IL1RAPL2: variants seen among roughly 807,000 people sequenced by gnomAD.
The protein encoded by IL1RAPL2 is interleukin 1 receptor accessory protein like 2.
In IL1RAPL2, 3 loss-of-function variants were observed where a neutral mutation model predicts 44.1. That is an observed-to-expected ratio of 0.07 (90% CI 0.03 to 0.18). The LOEUF (loss-of-function observed/expected upper bound fraction) is 0.18. IL1RAPL2 is among the 10% of genes least tolerant of loss of function. IL1RAPL2 has a pLI of 1.00. For synonymous variants in IL1RAPL2, 181 were observed against 178.8 expected (o/e 1.01, Z -0.10); for missense variants, 391 against 496.4 (o/e 0.79, Z 2.02).
chrX:104,598,648 TTCTC>T (rs1322398615), intron 1 of IL1RAPL2, among the ~76,000 whole-genome samples: 1 of 112,569 alleles, frequency 8.9e-6, no homozygotes, highest in Non-Finnish European at 1.9e-5. Flanking sequence ...CTTAGACTTG[TTCTC>T]TCTAACAGCC....
intron 2 of IL1RAPL2, among the ~76,000 whole-genome samples, chrX:104,773,962 G>A (rs749379926): frequency 1.2e-4 from 13 of 112,141 alleles, no homozygotes; most frequent in East Asian, 2.8e-4. Flanking sequence ...ATAACTACCC[G>A]TAGTGCCAAA....
chrX:105,367,964 A>G (rs757346350), intron 5 of IL1RAPL2, among the ~76,000 whole-genome samples: 2 of 110,596 alleles, frequency 1.8e-5, no homozygotes, highest in Non-Finnish European at 3.8e-5. Context: ...ATTGTCTGAG[A>G]AAGTTTTTTT....
intron 2 of IL1RAPL2, among the ~76,000 whole-genome samples, chrX:105,147,940 G>A (rs1434110699): frequency 9.0e-6 from 1 of 110,998 alleles, no homozygotes; most frequent in Non-Finnish European, 1.9e-5. Flanking sequence ...TTCTCTAATG[G>A]GGGTGGAGGG....
At chrX:104,733,361 G>A (rs1178459752) in intron 2 of IL1RAPL2, among the ~76,000 whole-genome samples, 1 of 111,000 alleles carries the variant, frequency 9.0e-6, no homozygotes, top group African/African-American at 3.3e-5. Flanking sequence ...CGAGGCCGAG[G>A]TGGGCGGATT....
At chrX:105,381,871 G>A (rs1449458156) in intron 5 of IL1RAPL2, among the ~76,000 whole-genome samples, 1 of 111,886 alleles carries the variant, frequency 8.9e-6, no homozygotes, top group East Asian at 2.8e-4. Flanking sequence ...AATGGGGAAA[G>A]GATTCCCTAT....
intron 6 of IL1RAPL2, among the ~76,000 whole-genome samples, chrX:105,682,031 C>G (rs1400483836): frequency 9.0e-6 from 1 of 111,497 alleles, no homozygotes; most frequent in Non-Finnish European, 1.9e-5. Flanking sequence ...AGTGAAAGGT[C>G]TAATGAGCAT....
chrX:104,890,610 C>G (rs1444659920), intron 2 of IL1RAPL2, among the ~76,000 whole-genome samples: 1 of 112,247 alleles, frequency 8.9e-6, no homozygotes, highest in Non-Finnish European at 1.9e-5. Flanking sequence ...TGAGAAATAT[C>G]TGTTCATATG....
At chrX:105,529,370 C>A (rs761024427) in intron 6 of IL1RAPL2, among the ~76,000 whole-genome samples, 26 of 111,159 alleles carry the variant, frequency 2.3e-4, no homozygotes, top group African/African-American at 6.8e-4. Flanking sequence ...TACTCTGTTC[C>A]TCAAAATATT....
intron 6 of IL1RAPL2, among the ~76,000 whole-genome samples, chrX:105,597,061 A>G (rs926429418): frequency 3.6e-5 from 4 of 111,983 alleles, no homozygotes; most frequent in African/African-American, 1.3e-4. Context: ...AGATTTGTGA[A>G]TTATATATCT....
chrX:105,747,296 G>T (rs1320938332), intron 8 of IL1RAPL2, among the ~76,000 whole-genome samples: 5 of 108,812 alleles, frequency 4.6e-5, no homozygotes, highest in Admixed American at 3.0e-4. Context: ...CATTGTGTGT[G>T]CCCTCACAAT....
chrX:104,666,621 T>G (rs1433997340), intron 2 of IL1RAPL2, among the ~76,000 whole-genome samples: 1 of 112,330 alleles, frequency 8.9e-6, no homozygotes, highest in Non-Finnish European at 1.9e-5. Flanking sequence ...AAAGATATTT[T>G]ATCTGCCAGA....
chrX:104,881,612 C>T (rs972096222), intron 2 of IL1RAPL2, among the ~76,000 whole-genome samples: 16 of 111,965 alleles, frequency 1.4e-4, no homozygotes, highest in Non-Finnish European at 1.7e-4. Flanking sequence ...TTTAAATAGA[C>T]GCTGGGAAAA....
intron 2 of IL1RAPL2, among the ~76,000 whole-genome samples, chrX:105,074,259 T>C: frequency 8.9e-6 from 1 of 111,986 alleles, no homozygotes; most frequent in Non-Finnish European, 1.9e-5. Context: ...TTTCTACTCA[T>C]GGCTAGCCCG....
chrX:104,883,593 C>T (rs956648310), intron 2 of IL1RAPL2, among the ~76,000 whole-genome samples: 4 of 111,534 alleles, frequency 3.6e-5, no homozygotes, highest in Non-Finnish European at 7.5e-5. Context: ...AGACAAACTT[C>T]CTCTTGCCTC....
intron 1 of IL1RAPL2, among the ~76,000 whole-genome samples, chrX:104,616,748 C>T (rs953590137): frequency 2.1e-4 from 23 of 111,640 alleles, no homozygotes; most frequent in African/African-American, 7.5e-4. Context: ...ATCAATGCTT[C>T]TGGCTCACTG....
intron 1 of IL1RAPL2, among the ~76,000 whole-genome samples, chrX:104,588,937 G>T (rs1468130440): frequency 9.0e-6 from 1 of 111,667 alleles, no homozygotes; most frequent in Non-Finnish European, 1.9e-5. Flanking sequence ...AGAAAAGATT[G>T]GTTGTTTAGT....
At chrX:104,815,678 G>A (rs1232772968) in intron 2 of IL1RAPL2, among the ~76,000 whole-genome samples, 1 of 111,421 alleles carries the variant, frequency 9.0e-6, no homozygotes, top group Non-Finnish European at 1.9e-5. Flanking sequence ...GTTTAGTTCT[G>A]TGATTTAAGA....
chrX:105,723,104 G>C (rs2038320178), intron 7 of IL1RAPL2, among the ~76,000 whole-genome samples: 1 of 111,095 alleles, frequency 9.0e-6, no homozygotes, highest in Non-Finnish European at 1.9e-5. Flanking sequence ...GCAATCCAGA[G>C]AAGCCATGCC....
At chrX:104,827,372 C>T (rs1235428996) in intron 2 of IL1RAPL2, among the ~76,000 whole-genome samples, 1 of 111,001 alleles carries the variant, frequency 9.0e-6, no homozygotes, top group African/African-American at 3.3e-5. Flanking sequence ...TTTATTTCTC[C>T]TTCCCTTATG....
Sources: allele counts gnomAD v4.1 joint callset (sites outside exome capture counted in the v4.1 genomes callset), GRCh38; gene constraint gnomAD v4.1.1; transcripts MANE v1.5; gene names NCBI Gene and HGNC (gene_info 2026-07-23, HGNC 2026-07-21).